MYO16: variants seen among roughly 807,000 people sequenced by gnomAD.
MYO16 encodes myosin XVI.
MYO16 carries 94 observed loss-of-function variants against 205.3 expected under a neutral mutation model. That is an observed-to-expected ratio of 0.46 (90% CI 0.39 to 0.54). MYO16 has a LOEUF of 0.54. Ranked by LOEUF, MYO16 falls within the 20% of genes least tolerant of loss-of-function variation. The probability of loss-of-function intolerance (pLI) is 0.00; values close to 1 mark genes in which losing one functional copy is unlikely to be tolerated. For missense variants in MYO16, 2,315 were observed against 2,387.5 expected, an observed-to-expected ratio of 0.97 and a Z score of 0.63; for synonymous variants, 988 against 954.0, an observed-to-expected ratio of 1.04 and a Z score of -0.66.
chr13:108,609,577 A>G (rs1422498778), intron 1 of MYO16, among the ~76,000 whole-genome samples: 2 of 152,230 alleles, frequency 1.3e-5, no homozygotes, highest in Non-Finnish European at 2.9e-5. Context: ...TCAGAGAAGG[A>G]CTTCAGCAAC....
At chr13:108,506,142 G>T in the MYO16 span, among the ~76,000 whole-genome samples, 8 of 151,802 alleles carry the variant, frequency 5.3e-5, no homozygotes, top group African/African-American at 1.5e-4. Flanking sequence ...TGGAATCTTT[G>T]GGGTCCTTTG....
the MYO16 span, among the ~76,000 whole-genome samples, chr13:108,548,011 C>T: frequency 6.6e-6 from 1 of 152,188 alleles, no homozygotes. Flanking sequence ...CCTTCTAATA[C>T]AAGGTGTTGG....
chr13:109,041,933 C>T (rs112454051), intron 23 of MYO16, among the ~76,000 whole-genome samples: 7,830 of 150,904 alleles, frequency 0.052, 268 homozygotes, highest in Non-Finnish European at 0.07. Context: ...GGCGTGATCT[C>T]GGCTCACTGC....
chr13:108,822,404 T>C (rs923676385), intron 8 of MYO16, among the ~76,000 whole-genome samples: 1 of 152,250 alleles, frequency 6.6e-6, no homozygotes, highest in East Asian at 1.9e-4. Flanking sequence ...CACAGTCTGG[T>C]CCTGACGATT....
At chr13:109,118,204 TA>T (rs1402195415) in intron 28 of MYO16, among the ~76,000 whole-genome samples, 1 of 152,210 alleles carries the variant, frequency 6.6e-6, no homozygotes, top group Admixed American at 6.5e-5. Context: ...TTCTTGGACA[TA>T]ACTCTATGTC....
chr13:108,575,954 A>G, the MYO16 span, among the ~76,000 whole-genome samples: 4 of 152,160 alleles, frequency 2.6e-5, no homozygotes, highest in African/African-American at 9.6e-5. Flanking sequence ...CTGAGGGCCT[A>G]TGAGATAATG....
chr13:108,699,405 G>A (rs1883215037), intron 2 of MYO16, among the ~76,000 whole-genome samples: 1 of 152,040 alleles, frequency 6.6e-6, no homozygotes, highest in African/African-American at 2.4e-5. Flanking sequence ...TTGTAAAAGT[G>A]AGTCATTTTT....
chr13:108,992,783 A>C (rs1884880406), intron 21 of MYO16, among the ~76,000 whole-genome samples: 1 of 152,198 alleles, frequency 6.6e-6, no homozygotes, highest in South Asian at 2.1e-4. Context: ...GGCTTTCAAA[A>C]ACCTTGGCTA....
intron 16 of MYO16, among the ~76,000 whole-genome samples, chr13:108,926,310 C>T (rs1470080993): frequency 6.6e-6 from 1 of 152,190 alleles, no homozygotes; most frequent in African/African-American, 2.4e-5. Flanking sequence ...CAAAGAGTAG[C>T]TATTATCTAT....
intron 32 of MYO16, among the ~76,000 whole-genome samples, chr13:109,157,069 C>G (rs1190512532): frequency 6.6e-6 from 1 of 152,024 alleles, no homozygotes; most frequent in Non-Finnish European, 1.5e-5. Flanking sequence ...CACGCCCCAG[C>G]TGTGGTCCCC....
At chr13:108,806,909 T>A in intron 7 of MYO16, 105 bp downstream of exon 7, 1 of 889,528 alleles carries the variant, frequency 1.1e-6, no homozygotes, top group Non-Finnish European at 1.5e-6. Context: ...ATCATTATTG[T>A]AATTTGACTT....
At chr13:108,858,298 T>G (rs1416530763) in intron 11 of MYO16, among the ~76,000 whole-genome samples, 1 of 152,212 alleles carries the variant, frequency 6.6e-6, no homozygotes, top group Non-Finnish European at 1.5e-5. Context: ...TACAAAGGTA[T>G]CAGTCCATGA....
At chr13:108,814,998 A>G (rs549789752) in intron 7 of MYO16, among the ~76,000 whole-genome samples, 1 of 152,342 alleles carries the variant, frequency 6.6e-6, no homozygotes, top group East Asian at 1.9e-4. Flanking sequence ...ATAGCAAAGA[A>G]TCTCCAAAAA....
intron 32 of MYO16, among the ~76,000 whole-genome samples, chr13:109,163,362 G>A (rs549627485): frequency 4.3e-4 from 65 of 152,054 alleles, no homozygotes; most frequent in Admixed American, 2.5e-3. Flanking sequence ...GGTATGTCTC[G>A]AGAGGCAAGA....
Position 109,141,421 on chromosome 13 carries a change from T to C in MYO16, c.5164+45T>C, listed in dbSNP as rs763735180. On this transcript the variant is annotated intron_variant, in intron 32 of 34. Coordinates refer to ENST00000457511, the MANE Select transcript of MYO16 (RefSeq NM_001198950.3). The surrounding 1 kb of genome is among the most constrained non-coding windows in gnomAD (Gnocchi z 4.1). ...CCCCACTCCTTTTGCATGGACGCTG[T>C]GCTTGCGTGCACCTGTGTACATCCG... 11 of 1,249,932 alleles carry C rather than the reference T, an allele frequency of 8.8e-6. No homozygotes were observed. In the South Asian group the frequency reaches 1.5e-4, roughly 17 times the overall value. 77.4% of individuals were successfully genotyped at this position (1,249,932 alleles called of 1,614,324 possible).
At position 108,735,817 on chromosome 13, in the gene MYO16, T is replaced by A. The variant is rs531005518; in HGVS notation, c.507+8234T>A. 5.7e-3 allele frequency among the ~76,000 whole-genome samples: 873 copies of A among 151,958 alleles called. 5 individuals are homozygous for A. Among genetic ancestry groups the A allele is most frequent in the Non-Finnish European group, 0.01 (688 of 67,942 alleles). ...TCTCCAGCACCTGTTGTTTCCTGACTTTTTAATGATCACCATTCTAACTGG... is the reference window on the plus strand; with the variant it reads ...TCTCCAGCACCTGTTGTTTCCTGACATTTTAATGATCACCATTCTAACTGG... On this transcript the variant is annotated intron_variant, in intron 4 of 34. Coordinates refer to ENST00000457511, the MANE Select transcript of MYO16 (RefSeq NM_001198950.3).
chr13:108,820,077 AAGTGTCCTTTTCAAATCT>A (rs1875881747), intron 7 of MYO16, among the ~76,000 whole-genome samples: 1 of 152,226 alleles, frequency 6.6e-6, no homozygotes, highest in African/African-American at 2.4e-5. Flanking sequence ...GAAAGTTATA[AAGTGTCCTTTTCAAATCT>A]TCAGTGATTA....
At chr13:108,946,351 C>T (rs899198002) in intron 16 of MYO16, among the ~76,000 whole-genome samples, 1 of 151,902 alleles carries the variant, frequency 6.6e-6, no homozygotes, top group African/African-American at 2.4e-5. Flanking sequence ...AACCTTTGAC[C>T]AAAGGAAACG....
At chr13:108,915,624 A>G (rs1356889465) in intron 16 of MYO16, among the ~76,000 whole-genome samples, 1 of 152,210 alleles carries the variant, frequency 6.6e-6, no homozygotes, top group African/African-American at 2.4e-5. Flanking sequence ...AAAGCCAGAA[A>G]TAGTCATTCA....
Sources: gnomAD v4.1 joint callset for allele counts (sites outside exome capture counted in the v4.1 genomes callset) on GRCh38, gnomAD v4.1.1 for gene constraint, Gnocchi (gnomAD v3.1) non-coding constraint, MANE v1.5 for transcripts, NCBI Gene and HGNC (gene_info 2026-07-23, HGNC 2026-07-21) for gene names.